ATL3: variants seen among roughly 807,000 people sequenced by gnomAD.
ATL3 encodes the protein atlastin GTPase 3.
Under a neutral mutation model 69.5 loss-of-function variants are expected in ATL3, and 49 were observed. The ratio of observed to expected loss-of-function variants is 0.71; its 90% CI spans 0.56 to 0.89. ATL3 has a LOEUF of 0.89. Ranked by LOEUF, ATL3 falls within the 40% of genes least tolerant of loss-of-function variation. The pLI is 0.00. For missense variants in ATL3, 606 were observed against 645.7 expected, an observed-to-expected ratio of 0.94 and a Z score of 0.67; for synonymous variants, 214 against 224.1, an observed-to-expected ratio of 0.95 and a Z score of 0.40.
intron 5 of ATL3, among the ~76,000 whole-genome samples, chr11:63,649,536 T>C (rs1333984839): frequency 1.4e-5 from 2 of 143,144 alleles, no homozygotes; most frequent in Admixed American, 1.4e-4. Flanking sequence ...TTTTATTTTC[T>C]TTTTTTTTTT....
At chr11:63,635,278 C>T (rs571775110) in intron 10 of ATL3, among the ~76,000 whole-genome samples, 1 of 152,228 alleles carries the variant, frequency 6.6e-6, no homozygotes, top group African/African-American at 2.4e-5. Context: ...CTGTGCTTCC[C>T]AAAGTGTGTT....
intron 8 of ATL3, among the ~76,000 whole-genome samples, chr11:63,639,862 C>G (rs1939634064): frequency 6.6e-6 from 1 of 152,034 alleles, no homozygotes; most frequent in African/African-American, 2.4e-5. Flanking sequence ...ACTCCACTAT[C>G]TTTCTGCATT....
chr11:63,640,673 C>G (rs1483738305), intron 8 of ATL3, among the ~76,000 whole-genome samples: 1 of 140,140 alleles, frequency 7.1e-6, no homozygotes, highest in East Asian at 2.1e-4. Flanking sequence ...GGCGCAATCT[C>G]GGCTCACTGC....
In ATL3 at chr11:63,628,701, T is replaced by TG. The variant is rs1939202851; in HGVS notation, c.*617dup. The TG allele has an allele frequency of 6.6e-6, 1 of 152,370 alleles. No homozygotes were observed. The highest frequency in any genetic ancestry group is 2.4e-5 in the African/African-American group (1 of 41,512). The allele number at this position is 152,370 out of a possible 1,614,324, so 9.4% of individuals were successfully genotyped here. On this transcript the variant is annotated 3_prime_UTR_variant, in exon 13 of 13. Transcript: ENST00000398868. The stretch of plus-strand genomic sequence containing the variant: ...ATACAAAAAAATTAGCTGGGTATGG[T>TG]GGCGTACACCTGTAGTCCCAGCTAC...
chr11:63,671,612 T>G, upstream of ATL3: 1 of 1,424,306 alleles, frequency 7.0e-7, no homozygotes, highest in Non-Finnish European at 9.2e-7. Flanking sequence ...CTGCCGCGTG[T>G]GCGCGAAGCG....
At chr11:63,668,824 T>G (rs2959878) in intron 1 of ATL3, among the ~76,000 whole-genome samples, 1 of 116,222 alleles carries the variant, frequency 8.6e-6, no homozygotes. Context: ...TGAGACAAGG[T>G]CTCACTCTGT....
Position 63,654,735 on chromosome 11 carries a change from C to T in ATL3, c.406-2160G>A, listed in dbSNP as rs552719146. Among the ~76,000 whole-genome samples the T allele has an allele frequency of 4.6e-5, 6 of 130,114 alleles. No individual in the cohort carries two copies. The East Asian group carries it at 1.3e-3, about 29-fold the overall frequency. The allele number at this position is 130,114 out of a possible 152,430, so 85.4% of individuals were successfully genotyped here. A position where few individuals can be genotyped will look rare whatever the true frequency, so the allele number is the denominator to read the frequency against. On this transcript the variant is annotated intron_variant, in intron 3 of 12. Transcript: ENST00000398868. ...TTTTTTGAGACAGAGTTTTGCTCGT[C>T]ACCCAGGCTGGAGTGCAATGGCGCA...
chr11:63,648,896 T>A (rs1019321566), intron 5 of ATL3, among the ~76,000 whole-genome samples: 4 of 151,776 alleles, frequency 2.6e-5, no homozygotes, highest in African/African-American at 9.7e-5. Context: ...GGCAGGCAGA[T>A]CATTTCAGGT....
At chr11:63,635,693 C>A in intron 9 of ATL3, 103 bp from the exon 10 acceptor site, 2 of 876,920 alleles carry the variant, frequency 2.3e-6, no homozygotes, top group Admixed American at 2.6e-5. Flanking sequence ...TTCCTAAAGA[C>A]TTAGGTCAAC....
chr11:63,652,391 C>T, intron 4 of ATL3, 80 bp downstream of exon 4: 1 of 889,994 alleles, frequency 1.1e-6, no homozygotes, highest in Non-Finnish European at 1.7e-6. Flanking sequence ...ATTCTGTTAA[C>T]AGAACAATAA....
chr11:63,635,297 A>G (rs1027181440), intron 10 of ATL3, among the ~76,000 whole-genome samples: 2 of 152,200 alleles, frequency 1.3e-5, no homozygotes, highest in Non-Finnish European at 2.9e-5. Context: ...TTTGGTGAAA[A>G]GACTAGGCCC....
At chr11:63,646,771 C>T (rs760911443) in intron 5 of ATL3, among the ~76,000 whole-genome samples, 14 of 152,302 alleles carry the variant, frequency 9.2e-5, no homozygotes, top group Non-Finnish European at 1.8e-4. Context: ...AATCCAGCCA[C>T]TCACTATTTC....
chr11:63,667,345 T>C (rs1940605091), intron 1 of ATL3, among the ~76,000 whole-genome samples: 1 of 152,108 alleles, frequency 6.6e-6, no homozygotes, highest in South Asian at 2.1e-4. Flanking sequence ...TTTTTTTTTT[T>C]TTGAGACAGA....
intron 8 of ATL3, 42 bp downstream of exon 8, chr11:63,643,315 C>T: frequency 6.6e-7 from 1 of 1,522,900 alleles, no homozygotes; most frequent in Non-Finnish European, 8.8e-7. Flanking sequence ...TTTTTAATTC[C>T]AAAGATCGAA....
In ATL3 at chr11:63,643,377, T is replaced by C; in HGVS notation, c.830A>G (p.Asp277Gly). 6.2e-7 allele frequency: 1 copy of C among 1,609,586 alleles called. No homozygotes were observed. The highest frequency in any genetic ancestry group is 8.5e-7 in the Non-Finnish European group (1 of 1,178,046). Residue 277 changes from aspartate to glycine, a missense_variant, in exon 8 of 13, where the codon GAC (aspartate) becomes GGC (glycine). Transcript: ENST00000398868. ...CACACCTTTTAATTTCCCATCAAAG[T>C]CAGGGCTTGTGGCCACCTGGAGTCC... The part of the protein sequence containing the change: ...HPGLQVATSP[D>G]FDGKLKDIAG...
intron 1 of ATL3, among the ~76,000 whole-genome samples, chr11:63,666,054 C>G (rs1244066693): frequency 6.6e-6 from 1 of 152,050 alleles, no homozygotes; most frequent in Non-Finnish European, 1.5e-5. Context: ...AATCATGGTT[C>G]ACTGCAGCCT....
chr11:63,632,698 AT>A, intron 11 of ATL3: 1 of 1,257,838 alleles, frequency 8.0e-7, no homozygotes, highest in Non-Finnish European at 1.2e-6. Flanking sequence ...GCCAGCCTTA[AT>A]GGCCACAGAT....
chr11:63,643,215 C>T (rs761684681), intron 8 of ATL3, 142 bp downstream of exon 8: 8 of 892,020 alleles, frequency 9.0e-6, no homozygotes, highest in Non-Finnish European at 1.3e-5. Flanking sequence ...AAGTCAGGAG[C>T]AAAATCTGAA....
rs538589208 is a variant in ATL3 at position 63,658,686 on chromosome 11, G to C, written c.405+75C>G. On this transcript the variant is annotated intron_variant, in intron 3 of 12. Coordinates refer to ENST00000398868, the MANE Select transcript of ATL3 (RefSeq NM_015459.5). ...TTCTTTGATAAAAGGTTTTTAATTGGGTTAACACAGTACATGCTGAAGTTC... is the reference window on the plus strand; with the variant it reads ...TTCTTTGATAAAAGGTTTTTAATTGCGTTAACACAGTACATGCTGAAGTTC... The C allele has an allele frequency of 4.9e-5, 72 of 1,459,486 alleles. No individual in the cohort carries two copies. The African/African-American group carries it at 8.8e-4, about 18-fold the overall frequency. 90.4% of individuals were successfully genotyped at this position (1,459,486 alleles called of 1,614,324 possible).
Sources: allele counts gnomAD v4.1 joint callset (sites outside exome capture counted in the v4.1 genomes callset), GRCh38; gene constraint gnomAD v4.1.1; transcripts MANE v1.5; gene names NCBI Gene and HGNC (gene_info 2026-07-23, HGNC 2026-07-21).